UBE2L6: variants seen among roughly 807,000 people sequenced by gnomAD.
UBE2L6 encodes the protein ubiquitin/ISG15-conjugating enzyme E2 L6.
Under a neutral mutation model 13.6 loss-of-function variants are expected in UBE2L6, and 11 were observed. That is an observed-to-expected ratio of 0.81 (90% CI 0.51 to 1.34). The LOEUF is 1.34. Among genes scored for constraint, UBE2L6 ranks in the 40% most tolerant of loss-of-function variants. The pLI, the probability that UBE2L6 is intolerant of heterozygous loss-of-function variation, is 0.00. For missense variants in UBE2L6, 197 were observed against 199.5 expected (o/e 0.99, Z 0.07); for synonymous variants, 74 against 83.2 (o/e 0.89, Z 0.60).
At chr11:57,556,705 A>G (rs1237311486) in intron 2 of UBE2L6, among the ~76,000 whole-genome samples, 1 of 151,982 alleles carries the variant, frequency 6.6e-6, no homozygotes, top group East Asian at 1.9e-4. Flanking sequence ...CCTATCAGTC[A>G]GAGAAGGCCA....
intron 3 of UBE2L6, 130 bp from the exon 4 acceptor site, chr11:57,552,639 G>A (rs1008326768): frequency 6.6e-6 from 8 of 1,211,294 alleles, no homozygotes; most frequent in East Asian, 2.4e-5. Flanking sequence ...ATTACTCTAC[G>A]ACCAGATCAA....
chr11:57,558,416 T>G (rs955304663), intron 2 of UBE2L6, among the ~76,000 whole-genome samples: 2 of 152,146 alleles, frequency 1.3e-5, no homozygotes, highest in Non-Finnish European at 2.9e-5. Context: ...TATTCATTTT[T>G]CATGGAGTGG....
intron 1 of UBE2L6, among the ~76,000 whole-genome samples, chr11:57,563,212 G>A (rs574553742): frequency 3.9e-5 from 6 of 151,976 alleles, no homozygotes; most frequent in Non-Finnish European, 8.8e-5. Flanking sequence ...AATTGAGGCC[G>A]GGTGCAGTGG....
rs1419787094 is a variant in UBE2L6, at chr11:57,552,519, G to A, written c.311-10C>T. The A allele has an allele frequency of 3.1e-6, 5 of 1,614,118 alleles. No homozygotes were observed. The highest frequency in any genetic ancestry group is 3.4e-6 in the Non-Finnish European group (4 of 1,179,994). ...TTGAGGGCCTCCAGGACTGGGGAGA[G>A]ACAGGCCAGATCAGGATATCAGGGC... On this transcript the variant is annotated splice_polypyrimidine_tract_variant and intron_variant, in intron 3 of 3. Transcript: ENST00000287156.
At chr11:57,559,408 T>C (rs1430186637) in intron 2 of UBE2L6, among the ~76,000 whole-genome samples, 1 of 152,136 alleles carries the variant, frequency 6.6e-6, no homozygotes, top group Non-Finnish European at 1.5e-5. Context: ...GCCAGGAGTT[T>C]GAGACCAGCC....
chr11:57,563,247 T>A (rs1342285862), intron 1 of UBE2L6, among the ~76,000 whole-genome samples: 2 of 151,964 alleles, frequency 1.3e-5, no homozygotes, highest in Non-Finnish European at 2.9e-5. Context: ...CCCAGCACTT[T>A]GGGAGGCCGA....
At chr11:57,559,488 G>C (rs777411466) in intron 2 of UBE2L6, among the ~76,000 whole-genome samples, 13 of 152,146 alleles carry the variant, frequency 8.5e-5, no homozygotes, top group Non-Finnish European at 1.8e-4. Context: ...GCACGTGCCT[G>C]TAGTCACAGC....
chr11:57,552,271 T>A lies in UBE2L6; in HGVS notation c.*87A>T. ...TAAGAAGGGAAAAATGAATGGGGAA[T>A]GGGCCACAGGGGGCTCTGGCCTCAG... On this transcript the variant is annotated 3_prime_UTR_variant, in exon 4 of 4. Transcript: ENST00000287156. 6.5e-7 allele frequency: 1 copy of A among 1,529,686 alleles called. No individual in the cohort carries two copies. The highest frequency in any genetic ancestry group is 1.2e-5 in the South Asian group (1 of 82,316). The allele number at this position is 1,529,686 out of a possible 1,614,324, so 94.8% of individuals were successfully genotyped here. A position where few individuals can be genotyped will look rare whatever the true frequency, so the allele number is the denominator to read the frequency against.
intron 1 of UBE2L6, among the ~76,000 whole-genome samples, chr11:57,563,673 C>T (rs969245315): frequency 2.0e-5 from 3 of 149,576 alleles, no homozygotes; most frequent in Non-Finnish European, 4.4e-5. Flanking sequence ...AGGTGGATCA[C>T]GAGATCAGGA....
At position 57,566,955 on chromosome 11, in the gene UBE2L6, C is replaced by CG. The variant is rs1554991567; in HGVS notation, c.27+629_27+630insC. The CG allele has an allele frequency of 9.3e-3, 1,958 of 211,426 alleles. 109 individuals are homozygous for CG. Among genetic ancestry groups the CG allele is most frequent in the African/African-American group, 0.058 (1,755 of 30,436 alleles). The allele number at this position is 211,426 out of a possible 1,614,324, so 13.1% of individuals were successfully genotyped here. A position where few individuals can be genotyped will look rare whatever the true frequency, so the allele number is the denominator to read the frequency against. ...TGTGTTCATCTCTGCCCGCCCCCCC[C>CG]CCCCTCCTAGAACAGGGCCAGCACA... is the stretch of plus-strand genomic sequence containing the variant. On this transcript the variant is annotated intron_variant, in intron 1 of 3. Coordinates refer to ENST00000287156, the MANE Select transcript of UBE2L6 (RefSeq NM_004223.5).
intron 1 of UBE2L6, among the ~76,000 whole-genome samples, chr11:57,563,481 CAAA>C (rs35614262): frequency 8.4e-4 from 97 of 115,692 alleles, no homozygotes; most frequent in Admixed American, 1.0e-3. Context: ...AACTCTGTCT[CAAA>C]AAAAAAAAAA....
chr11:57,558,139 C>G (rs566543554), intron 2 of UBE2L6, among the ~76,000 whole-genome samples: 84 of 152,238 alleles, frequency 5.5e-4, no homozygotes, highest in African/African-American at 2.0e-3. Flanking sequence ...AGTGCGATGG[C>G]CCAATCTCAG....
intron 3 of UBE2L6, among the ~76,000 whole-genome samples, chr11:57,554,106 C>T (rs1434640853): frequency 6.6e-6 from 1 of 152,122 alleles, no homozygotes; most frequent in Non-Finnish European, 1.5e-5. Flanking sequence ...TTTAGGACAC[C>T]GAGTCCCAGA....
intron 2 of UBE2L6, among the ~76,000 whole-genome samples, chr11:57,557,395 CTTTTTTTT>C (rs35413834): frequency 7.6e-6 from 1 of 131,744 alleles, no homozygotes; most frequent in East Asian, 2.2e-4. Context: ...TGCCATGCTT[CTTTTTTTT>C]TTTTTTTTTG....
intron 1 of UBE2L6, among the ~76,000 whole-genome samples, chr11:57,565,627 AGT>A (rs1289426825): frequency 6.6e-6 from 1 of 152,114 alleles, no homozygotes; most frequent in African/African-American, 2.4e-5. Context: ...AGCCTCCCAA[AGT>A]GCTGATATTA....
At chr11:57,554,985 A>C (rs1944986535) in intron 2 of UBE2L6, among the ~76,000 whole-genome samples, 3 of 152,212 alleles carry the variant, frequency 2.0e-5, no homozygotes, top group Admixed American at 1.3e-4. Context: ...AAAAGGATGG[A>C]ACATCCTTTC....
At chr11:57,562,102 T>G (rs1286858072) in intron 1 of UBE2L6, among the ~76,000 whole-genome samples, 2 of 152,218 alleles carry the variant, frequency 1.3e-5, no homozygotes, top group Non-Finnish European at 2.9e-5. Context: ...CCCTGCAGGG[T>G]GAGTCTCAGG....
chr11:57,564,001 G>C (rs2135282037), intron 1 of UBE2L6, among the ~76,000 whole-genome samples: 1 of 152,350 alleles, frequency 6.6e-6, no homozygotes, highest in Middle Eastern at 3.4e-3. Flanking sequence ...CCTTAAATAG[G>C]AGGTAGGGAG....
intron 1 of UBE2L6, among the ~76,000 whole-genome samples, chr11:57,564,493 A>AT (rs1945070558): frequency 6.6e-6 from 1 of 152,220 alleles, no homozygotes; most frequent in Non-Finnish European, 1.5e-5. Context: ...ATTTAAAAAA[A>AT]TTTTAATGAG....
Sources: gnomAD v4.1 joint callset for allele counts (sites outside exome capture counted in the v4.1 genomes callset) on GRCh38, gnomAD v4.1.1 for gene constraint, MANE v1.5 for transcripts, NCBI Gene and HGNC (gene_info 2026-07-23, HGNC 2026-07-21) for gene names.